The following ADCY2 variants were observed in gnomAD, a reference collection of about 807,000 sequenced individuals.
ADCY2 encodes the protein adenylate cyclase 2.
ADCY2 carries 31 observed loss-of-function variants against 125.2 expected under a neutral mutation model. That is an observed-to-expected ratio of 0.25 (90% confidence interval 0.19 to 0.33). The LOEUF is 0.33. ADCY2 is among the 10% of genes least tolerant of loss of function. The probability of loss-of-function intolerance (pLI) is 1.00; values close to 1 mark genes in which losing one functional copy is unlikely to be tolerated. For synonymous variants in ADCY2, 512 were observed against 548.4 expected (o/e 0.93, Z 0.93); for missense variants, 904 against 1,418.2 (o/e 0.64, Z 5.82).
At chr5:7,703,315 A>G (rs529663372) in intron 7 of ADCY2, among the ~76,000 whole-genome samples, 228 of 152,272 alleles carry the variant, frequency 1.5e-3, no homozygotes, top group African/African-American at 5.3e-3. Flanking sequence ...TATGTCCTGA[A>G]TGGTATTGCC....
chr5:7,699,407 T>G (rs1741007962), intron 7 of ADCY2, among the ~76,000 whole-genome samples: 1 of 152,130 alleles, frequency 6.6e-6, no homozygotes, highest in Admixed American at 6.5e-5. Context: ...AGTAAGCATT[T>G]TTTTTAACTG....
intron 3 of ADCY2, among the ~76,000 whole-genome samples, chr5:7,556,670 G>A (rs755764180): frequency 1.3e-5 from 2 of 152,188 alleles, no homozygotes; most frequent in Non-Finnish European, 2.9e-5. Flanking sequence ...AAACTGGGGC[G>A]CACGGCATCA....
chr5:7,794,317 G>T (rs1344386627), intron 20 of ADCY2: 2 of 152,156 alleles, frequency 1.3e-5, no homozygotes, highest in Non-Finnish European at 2.9e-5. Context: ...GCCATTGTAA[G>T]ACTTGGGGAC....
At chr5:7,461,514 A>T (rs1433634962) in intron 2 of ADCY2, among the ~76,000 whole-genome samples, 1 of 152,214 alleles carries the variant, frequency 6.6e-6, no homozygotes, top group African/African-American at 2.4e-5. Flanking sequence ...TATTTATTTT[A>T]TAAGCTGCCT....
intron 3 of ADCY2, among the ~76,000 whole-genome samples, chr5:7,540,922 T>C (rs951734463): frequency 3.3e-5 from 5 of 152,224 alleles, no homozygotes; most frequent in Non-Finnish European, 7.3e-5. Context: ...TCCTGTACTT[T>C]GGAGTTGTCA....
chr5:7,666,118 G>A lies in ADCY2; in HGVS notation c.721-24573G>A, dbSNP rs1434712588. On this transcript the variant is annotated intron_variant, in intron 4 of 24. Coordinates refer to ENST00000338316, the MANE Select transcript of ADCY2 (RefSeq NM_020546.3). Reference sequence around the variant, plus strand: ...CTCCCAAAGTGCTGGGATTACAGGCGTGAGCCACTGCGCCCAGCCCTTATT... The same window carrying A: ...CTCCCAAAGTGCTGGGATTACAGGCATGAGCCACTGCGCCCAGCCCTTATT... 6.6e-5 allele frequency among the ~76,000 whole-genome samples: 10 copies of A among 151,784 alleles called. No individual in the cohort carries two copies. In the East Asian group the frequency reaches 7.9e-4, roughly 12 times the overall value.
At chr5:7,775,175 T>TTGTGTG (rs200142910) in intron 18 of ADCY2, among the ~76,000 whole-genome samples, 11,147 of 146,182 alleles carry the variant, frequency 0.076, 462 homozygotes, top group Non-Finnish European at 0.1. Context: ...CCCAGCTACT[T>TTGTGTG]TGTGTGTGTG....
At chr5:7,543,537 C>G (rs1221319907) in intron 3 of ADCY2, among the ~76,000 whole-genome samples, 2 of 152,142 alleles carry the variant, frequency 1.3e-5, no homozygotes. Flanking sequence ...GGTTCCCCAA[C>G]AGTTAGTGAG....
At chr5:7,572,593 G>A (rs367614208) in intron 3 of ADCY2, among the ~76,000 whole-genome samples, 65 of 152,128 alleles carry the variant, frequency 4.3e-4, no homozygotes, top group African/African-American at 1.5e-3. Context: ...CATTCTGTAG[G>A]TTGTCTGTTT....
Position 7,453,844 on chromosome 5 carries a change from A to C in ADCY2, c.408+39074A>C, listed in dbSNP as rs74773342. ...GTTGTACTCATGCTCACTTGGGGCCATCTTCCCTTATCAGCTGAATGTTCC... is the reference window on the plus strand; with the variant it reads ...GTTGTACTCATGCTCACTTGGGGCCCTCTTCCCTTATCAGCTGAATGTTCC... On this transcript the variant is annotated intron_variant, in intron 2 of 24. Coordinates refer to ENST00000338316, the MANE Select transcript of ADCY2 (RefSeq NM_020546.3). Among the ~76,000 whole-genome samples, 750 of 152,128 alleles carry C rather than the reference A, an allele frequency of 4.9e-3. 3 individuals are homozygous for C. The highest frequency in any genetic ancestry group is 0.017 in the African/African-American group (723 of 41,504).
chr5:7,722,077 G>A (rs971420807), intron 12 of ADCY2, among the ~76,000 whole-genome samples: 3 of 152,176 alleles, frequency 2.0e-5, no homozygotes, highest in African/African-American at 7.2e-5. Flanking sequence ...ATTGCTGCAA[G>A]GGAGAAGCCA....
At chr5:7,723,239 C>G (rs969760810) in intron 12 of ADCY2, among the ~76,000 whole-genome samples, 1 of 152,100 alleles carries the variant, frequency 6.6e-6, no homozygotes, top group Non-Finnish European at 1.5e-5. Context: ...GTACAACAAA[C>G]CCCCATGACA....
chr5:7,422,194 A>G (rs781549338), intron 2 of ADCY2, among the ~76,000 whole-genome samples: 1 of 151,954 alleles, frequency 6.6e-6, no homozygotes, highest in Admixed American at 6.5e-5. Context: ...TTATTTGATG[A>G]TTTTGTTTTT....
intron 17 of ADCY2, among the ~76,000 whole-genome samples, chr5:7,771,389 T>A (rs965179532): frequency 6.6e-6 from 1 of 152,224 alleles, no homozygotes; most frequent in Non-Finnish European, 1.5e-5. Flanking sequence ...TACAACACTC[T>A]GTATTCCTTA....
chr5:7,453,108 C>T (rs1413588805), intron 2 of ADCY2, among the ~76,000 whole-genome samples: 3 of 152,014 alleles, frequency 2.0e-5, no homozygotes, highest in African/African-American at 7.2e-5. Flanking sequence ...GTTTAGTTAG[C>T]TCCCATTTAT....
chr5:7,426,605 A>G (rs1740396901), intron 2 of ADCY2, among the ~76,000 whole-genome samples: 1 of 152,218 alleles, frequency 6.6e-6, no homozygotes, highest in Non-Finnish European at 1.5e-5. Context: ...TTCAACTTGA[A>G]TTTTGGAGAG....
intron 22 of ADCY2, 103 bp downstream of exon 22, chr5:7,804,795 T>C: frequency 2.5e-6 from 2 of 809,042 alleles, no homozygotes; most frequent in Non-Finnish European, 2.1e-6. Flanking sequence ...ACTGTATATT[T>C]TGTACAACCT....
Position 7,757,570 on chromosome 5 carries a change from T to C in ADCY2, c.2078T>C (p.Met693Thr), listed in dbSNP as rs759584042. The C allele has an allele frequency of 1.2e-6, 2 of 1,608,820 alleles. No homozygotes were observed. The highest frequency in any genetic ancestry group is 1.7e-6 in the Non-Finnish European group (2 of 1,176,626). Residue 693 changes from methionine (M) to threonine (T), a missense_variant, in exon 16 of 25, where the codon ATG becomes ACG. Physicochemically the swap from Met to Thr is moderately conservative, Grantham distance 81. Transcript: ENST00000338316. The stretch of plus-strand genomic sequence containing the variant: ...ATCACCACAGCCATCATATTAATGA[T>C]GGCCGTGTTCAACATGGTAAGTCCC... ...TIITTAIILMMAVFNMFFLSD... is the reference protein window; with the variant it reads ...TIITTAIILMTAVFNMFFLSD...
chr5:7,550,320 C>T (rs1252662237), intron 3 of ADCY2, among the ~76,000 whole-genome samples: 1 of 152,130 alleles, frequency 6.6e-6, no homozygotes, highest in Admixed American at 6.5e-5. Context: ...TAACCATTAA[C>T]AGTCTACTGG....
Sources: allele counts gnomAD v4.1 joint callset (sites outside exome capture counted in the v4.1 genomes callset), GRCh38; gene constraint gnomAD v4.1.1; transcripts MANE v1.5; gene names NCBI Gene and HGNC (gene_info 2026-07-23, HGNC 2026-07-21).